Variants in SORCS3 observed in about 807,000 individuals in gnomAD.
SORCS3 encodes VPS10 domain-containing receptor SorCS3.
In SORCS3, 57 loss-of-function variants were observed where a neutral mutation model predicts 146.3. That is an observed-to-expected ratio of 0.39 (90% CI 0.31 to 0.49). SORCS3 has a LOEUF of 0.49. SORCS3 is among the 20% of genes least tolerant of loss of function. The pLI, the probability that SORCS3 is intolerant of heterozygous loss-of-function variation, is 0.92. For missense variants in SORCS3, 1,341 were observed against 1,575.5 expected (o/e 0.85, Z 2.52); for synonymous variants, 653 against 618.5 (o/e 1.06, Z -0.83).
intron 1 of SORCS3, among the ~76,000 whole-genome samples, chr10:104,672,154 T>G (rs1044267972): frequency 2.0e-5 from 3 of 152,226 alleles, no homozygotes; most frequent in African/African-American, 7.2e-5. Flanking sequence ...CTTACTGTTA[T>G]AGGTCTATTC....
rs571218981 is a variant in SORCS3, at chr10:105,177,827, C to T, written c.1902-239C>T. Among the ~76,000 whole-genome samples the T allele has an allele frequency of 3.7e-4, 56 of 152,066 alleles. 1 individual carries two copies. In the South Asian group the frequency reaches 0.011, roughly 29 times the overall value. On this transcript the variant is annotated intron_variant, in intron 13 of 26. Coordinates refer to ENST00000369701, the MANE Select transcript of SORCS3 (RefSeq NM_014978.3). Reference sequence around the variant, plus strand: ...AAGCCCTCCTGCTTGGGCTGTTTGTCGATTCTAATGTGTTGAAATATATCT... The same window carrying T: ...AAGCCCTCCTGCTTGGGCTGTTTGTTGATTCTAATGTGTTGAAATATATCT...
At chr10:105,119,352 G>C (rs951662691) in intron 7 of SORCS3, among the ~76,000 whole-genome samples, 2 of 152,178 alleles carry the variant, frequency 1.3e-5, no homozygotes, top group Non-Finnish European at 2.9e-5. Context: ...CAGGAGTGAA[G>C]CCCTCATAGA....
intron 14 of SORCS3, among the ~76,000 whole-genome samples, chr10:105,181,906 A>C (rs1188184818): frequency 6.6e-6 from 1 of 152,156 alleles, no homozygotes; most frequent in African/African-American, 2.4e-5. Context: ...CACTTTAAAG[A>C]GAGCTTTTCT....
chr10:105,153,632 AGAGT>A (rs1202709719), intron 9 of SORCS3, among the ~76,000 whole-genome samples: 6 of 131,046 alleles, frequency 4.6e-5, no homozygotes, highest in African/African-American at 1.3e-4. Context: ...AGAGAGAGAG[AGAGT>A]GTGTGTGTAT....
At chr10:104,667,080 G>A (rs1433258914) in intron 1 of SORCS3, among the ~76,000 whole-genome samples, 1 of 152,100 alleles carries the variant, frequency 6.6e-6, no homozygotes, top group Admixed American at 6.6e-5. Flanking sequence ...TTAAAATTGT[G>A]GTAGGTGTCA....
At chr10:104,868,962 T>G (rs1325805334) in intron 2 of SORCS3, among the ~76,000 whole-genome samples, 1 of 152,152 alleles carries the variant, frequency 6.6e-6, no homozygotes, top group East Asian at 1.9e-4. Flanking sequence ...ATATCAGTGC[T>G]CTCTTCACTA....
At position 104,884,803 on chromosome 10, in the gene SORCS3, A is replaced by G. The variant is rs1275916210; in HGVS notation, c.696-31030A>G. On this transcript the variant is annotated intron_variant, in intron 2 of 26. Transcript: ENST00000369701. ...TTGGGTAGAAAAGCAGGTACCCATC[A>G]GCAAAGCTCTCCATAATCTGATCTC... 2.0e-5 allele frequency among the ~76,000 whole-genome samples: 3 copies of G among 152,020 alleles called. No homozygotes were observed. In the South Asian group the frequency reaches 6.2e-4, roughly 32 times the overall value.
chr10:104,774,538 G>A (rs1019034094), intron 1 of SORCS3, among the ~76,000 whole-genome samples: 1 of 152,164 alleles, frequency 6.6e-6, no homozygotes, highest in Non-Finnish European at 1.5e-5. Flanking sequence ...GCTTTCGCGG[G>A]TGATTAATTG....
chr10:104,651,533 T>TAAAAAAAAA (rs34352025), intron 1 of SORCS3, among the ~76,000 whole-genome samples: 1 of 112,668 alleles, frequency 8.9e-6, no homozygotes, highest in Non-Finnish European at 1.7e-5. Context: ...CGGGCTCTAC[T>TAAAAAAAAA]AAAAAAAAAA....
intron 16 of SORCS3, among the ~76,000 whole-genome samples, chr10:105,208,919 G>T (rs2056618120): frequency 6.6e-6 from 1 of 152,056 alleles, no homozygotes; most frequent in Non-Finnish European, 1.5e-5. Context: ...AGCAGTGTCT[G>T]TTTCTCCTTC....
At chr10:105,126,093 C>A (rs1440582407) in intron 7 of SORCS3, among the ~76,000 whole-genome samples, 2 of 152,092 alleles carry the variant, frequency 1.3e-5, no homozygotes, top group Non-Finnish European at 1.5e-5. Flanking sequence ...AACTTCATTC[C>A]TGCTATGAAC....
intron 3 of SORCS3, among the ~76,000 whole-genome samples, chr10:104,968,529 C>T (rs2054840449): frequency 6.6e-6 from 1 of 152,194 alleles, no homozygotes; most frequent in African/African-American, 2.4e-5. Context: ...TGAAAAACCC[C>T]TCTTCCCCTT....
intron 23 of SORCS3, among the ~76,000 whole-genome samples, chr10:105,254,755 T>C (rs1474511022): frequency 6.6e-6 from 1 of 151,782 alleles, no homozygotes; most frequent in Non-Finnish European, 1.5e-5. Flanking sequence ...GTCAAGATCA[T>C]GCCACTGCAC....
At chr10:104,657,893 A>G (rs2015652463) in intron 1 of SORCS3, among the ~76,000 whole-genome samples, 1 of 152,366 alleles carries the variant, frequency 6.6e-6, no homozygotes, top group Middle Eastern at 3.4e-3. Context: ...AACAAATTTA[A>G]TATAGGGAAT....
At chr10:105,029,270 G>T (rs2055249613) in intron 4 of SORCS3, among the ~76,000 whole-genome samples, 3 of 152,148 alleles carry the variant, frequency 2.0e-5, no homozygotes. Flanking sequence ...TAAAGCCATG[G>T]GTAGAAGAGT....
chr10:104,681,225 G>A (rs996693884), intron 1 of SORCS3, among the ~76,000 whole-genome samples: 5 of 152,210 alleles, frequency 3.3e-5, no homozygotes, highest in Admixed American at 6.5e-5. Context: ...CTGGAGAGGC[G>A]GTTGCTTTTT....
At chr10:104,949,230 A>G (rs1354458312) in intron 3 of SORCS3, among the ~76,000 whole-genome samples, 2 of 152,180 alleles carry the variant, frequency 1.3e-5, no homozygotes, top group African/African-American at 4.8e-5. Flanking sequence ...TTAAATTGCT[A>G]TGTTTCCCAC....
chr10:105,015,859 A>C (rs938435022), intron 4 of SORCS3, among the ~76,000 whole-genome samples: 8 of 151,668 alleles, frequency 5.3e-5, no homozygotes, highest in Non-Finnish European at 1.2e-4. Flanking sequence ...CCTCCTGAGT[A>C]GCTGGGATTA....
At chr10:104,657,407 A>T (rs900837732) in intron 1 of SORCS3, among the ~76,000 whole-genome samples, 2 of 152,214 alleles carry the variant, frequency 1.3e-5, no homozygotes, top group African/African-American at 4.8e-5. Flanking sequence ...GAGAGATTGG[A>T]TGTAGCAAAT....
Sources: gnomAD v4.1 joint callset for allele counts (sites outside exome capture counted in the v4.1 genomes callset) on GRCh38, gnomAD v4.1.1 for gene constraint, MANE v1.5 for transcripts, NCBI Gene and HGNC (gene_info 2026-07-23, HGNC 2026-07-21) for gene names.